Variants in NR3C2 observed in about 807,000 individuals in gnomAD.
NR3C2 encodes mineralocorticoid receptor.
Under a neutral mutation model 86.4 loss-of-function variants are expected in NR3C2, and 15 were observed. The ratio of observed to expected loss-of-function variants is 0.17; its 90% confidence interval spans 0.12 to 0.27. The LOEUF (loss-of-function observed/expected upper bound fraction) is 0.27, where lower values mean the gene tolerates loss of function less well. Ranked by LOEUF, NR3C2 falls within the 10% of genes least tolerant of loss-of-function variation. NR3C2 has a pLI of 1.00. For missense variants in NR3C2, 960 were observed against 1,195.6 expected, an observed-to-expected ratio of 0.80 and a Z score of 2.91; for synonymous variants, 458 against 450.5, an observed-to-expected ratio of 1.02 and a Z score of -0.21.
chr4:148,143,947 C>CAAAAAAAAAAA (rs67177081), intron 6 of NR3C2, among the ~76,000 whole-genome samples: 3 of 64,398 alleles, frequency 4.7e-5, no homozygotes, highest in African/African-American at 6.7e-5. Context: ...AACTCTGTCT[C>CAAAAAAAAAAA]AAAAAAAAAA....
At chr4:148,364,448 T>C (rs745563995) in intron 2 of NR3C2, among the ~76,000 whole-genome samples, 1 of 152,188 alleles carries the variant, frequency 6.6e-6, no homozygotes, top group Non-Finnish European at 1.5e-5. Flanking sequence ...TGGAACTATA[T>C]TGGAATTGGC....
At chr4:148,132,028 T>C (rs750496057) in intron 6 of NR3C2, among the ~76,000 whole-genome samples, 12 of 152,330 alleles carry the variant, frequency 7.9e-5, no homozygotes, top group African/African-American at 1.2e-4. Context: ...ATCCTATATA[T>C]AGTATTCTTA....
chr4:148,130,819 G>GTTTTTT (rs376180676), intron 6 of NR3C2, among the ~76,000 whole-genome samples: 10 of 108,906 alleles, frequency 9.2e-5, no homozygotes, highest in South Asian at 3.5e-4. Context: ...GTTTTGTTTT[G>GTTTTTT]TTTTTTTTTT....
chr4:148,317,281 G>A (rs1236942647), intron 2 of NR3C2, among the ~76,000 whole-genome samples: 1 of 151,688 alleles, frequency 6.6e-6, no homozygotes, highest in Non-Finnish European at 1.5e-5. Flanking sequence ...CTTTAACCCG[G>A]GAGGTGGAGG....
chr4:148,368,678 G>A (rs1746269835), intron 2 of NR3C2, among the ~76,000 whole-genome samples: 1 of 152,116 alleles, frequency 6.6e-6, no homozygotes, highest in African/African-American at 2.4e-5. Context: ...GGAAGCAGCA[G>A]GAAGATATCT....
intron 1 of NR3C2, among the ~76,000 whole-genome samples, chr4:148,439,388 C>A (rs1257193601): frequency 6.6e-6 from 1 of 152,162 alleles, no homozygotes; most frequent in Non-Finnish European, 1.5e-5. Context: ...TCCCCCCACA[C>A]ACCCCCAAAT....
At chr4:148,224,316 C>T (rs1250869470) in intron 3 of NR3C2, among the ~76,000 whole-genome samples, 1 of 152,146 alleles carries the variant, frequency 6.6e-6, no homozygotes, top group African/African-American at 2.4e-5. Context: ...TACATACACA[C>T]ATTAGTCAAA....
chr4:148,281,807 C>T (rs1741259363), intron 2 of NR3C2, among the ~76,000 whole-genome samples: 1 of 152,178 alleles, frequency 6.6e-6, no homozygotes, highest in Non-Finnish European at 1.5e-5. Flanking sequence ...GAAAGATGCT[C>T]CTGTCCTTTG....
chr4:148,364,739 A>C (rs1746022448), intron 2 of NR3C2, among the ~76,000 whole-genome samples: 2 of 152,078 alleles, frequency 1.3e-5, no homozygotes, highest in South Asian at 4.1e-4. Flanking sequence ...CTGACTGTCC[A>C]AGGTCACACA....
intron 2 of NR3C2, among the ~76,000 whole-genome samples, chr4:148,367,999 T>C (rs1746235875): frequency 6.6e-6 from 1 of 152,056 alleles, no homozygotes; most frequent in Non-Finnish European, 1.5e-5. Flanking sequence ...CCTACCCAGG[T>C]GCACAAAACT....
chr4:148,325,125 GGAGAGAGAAT>G (rs72126196), intron 2 of NR3C2, among the ~76,000 whole-genome samples: 9,430 of 147,772 alleles, frequency 0.064, 390 homozygotes, highest in African/African-American at 0.13. Flanking sequence ...AGAGAGAGAG[GGAGAGAGAAT>G]GAGAGAGAGA....
rs1278796884 is a variant in NR3C2, at chr4:148,154,779, G to C, written c.2137C>G (p.Pro713Ala). The C allele has an allele frequency of 7.2e-7, 1 of 1,391,560 alleles. No homozygotes were observed. Among genetic ancestry groups the C allele is most frequent in the Admixed American group, 1.9e-5 (1 of 52,868 alleles). 86.2% of individuals were successfully genotyped at this position (1,391,560 alleles called of 1,614,324 possible). A position where few individuals can be genotyped will look rare whatever the true frequency, so the allele number is the denominator to read the frequency against. ...SPEEGTTYIA[P>A]AKEPSVNTAL... ...GTGTTGACCGAGGGTTCTTTTGCAG[G>C]AGCGATGTACGTTGTCCCTTCCTCT... Residue 713 changes from proline to alanine, a missense_variant, in exon 5 of 9, where the codon CCT becomes GCT. This residue lies in a region of NR3C2 where 82 missense variants were observed against 73.0 expected (regional missense o/e 1.12). Transcript: ENST00000358102.
At chr4:148,346,324 G>C (rs1744990032) in intron 2 of NR3C2, among the ~76,000 whole-genome samples, 1 of 152,078 alleles carries the variant, frequency 6.6e-6, no homozygotes, top group Non-Finnish European at 1.5e-5. Context: ...TGGTGACATG[G>C]TCCATGGAAC....
rs1038981014 is a variant in NR3C2, at chr4:148,080,877, T to C, written c.*467A>G. 2 of 363,126 alleles carry C rather than the reference T, an allele frequency of 5.5e-6. No individual in the cohort carries two copies. Among genetic ancestry groups the C allele is most frequent in the South Asian group, 2.0e-5 (1 of 49,444 alleles). The allele number at this position is 363,126 out of a possible 1,614,324, so 22.5% of individuals were successfully genotyped here. ...GGAATCTGTATATATTTTTTTATTA[T>C]TTTTTTGTGTTTTTTTAATAACAAA... On this transcript the variant is annotated 3_prime_UTR_variant, in exon 9 of 9. Coordinates refer to ENST00000358102, the MANE Select transcript of NR3C2 (RefSeq NM_000901.5).
intron 6 of NR3C2, among the ~76,000 whole-genome samples, chr4:148,150,815 T>C (rs1382648306): frequency 6.6e-6 from 1 of 152,208 alleles, no homozygotes; most frequent in Non-Finnish European, 1.5e-5. Flanking sequence ...ATATCTATGA[T>C]GGAATGTTAT....
At chr4:148,416,169 GA>G (rs1478034947) in intron 2 of NR3C2, among the ~76,000 whole-genome samples, 1 of 152,014 alleles carries the variant, frequency 6.6e-6, no homozygotes, top group African/African-American at 2.4e-5. Context: ...AATTCACTGG[GA>G]AAAAAGTTAT....
chr4:148,161,964 T>A (rs955244853), intron 4 of NR3C2, among the ~76,000 whole-genome samples: 10 of 152,186 alleles, frequency 6.6e-5, no homozygotes, highest in Admixed American at 2.0e-4. Context: ...GCGCACACTA[T>A]CCTGTCCCCT....
intron 6 of NR3C2, among the ~76,000 whole-genome samples, chr4:148,136,835 G>C (rs1318600883): frequency 6.6e-6 from 1 of 152,064 alleles, no homozygotes; most frequent in Non-Finnish European, 1.5e-5. Context: ...TCCGTCATTT[G>C]TCTTCACCTT....
intron 2 of NR3C2, among the ~76,000 whole-genome samples, chr4:148,402,600 T>C (rs1748223427): frequency 6.6e-6 from 1 of 152,238 alleles, no homozygotes; most frequent in African/African-American, 2.4e-5. Flanking sequence ...GTCTTCGATA[T>C]TTATATTATT....
Sources: gnomAD v4.1 joint callset for allele counts (sites outside exome capture counted in the v4.1 genomes callset) on GRCh38, gnomAD v4.1.1 for gene constraint, gnomAD v4.1.1 regional missense constraint, MANE v1.5 for transcripts, NCBI Gene and HGNC (gene_info 2026-07-23, HGNC 2026-07-21) for gene names.